Variants in CSMD2 observed in about 807,000 individuals in gnomAD.
CSMD2 encodes the protein CUB and Sushi multiple domains 2.
In CSMD2, 130 loss-of-function variants were observed where a neutral mutation model predicts 398.5. The ratio of observed to expected loss-of-function variants is 0.33; its 90% CI spans 0.28 to 0.38. The LOEUF (loss-of-function observed/expected upper bound fraction) is 0.38. Among genes scored for constraint, CSMD2 ranks in the 10% least tolerant of loss-of-function variants. CSMD2 has a pLI of 1.00. For missense variants in CSMD2, 3,829 were observed against 4,764.9 expected (o/e 0.80, Z 5.78); for synonymous variants, 1,828 against 1,908.5 (o/e 0.96, Z 1.10).
intron 2 of CSMD2, among the ~76,000 whole-genome samples, chr1:34,088,404 T>C (rs1176734553): frequency 4.6e-5 from 7 of 152,118 alleles, no homozygotes; most frequent in African/African-American, 1.7e-4. Flanking sequence ...CCCATCTCCC[T>C]CCTGTAAGCT....
At chr1:33,716,526 T>A (rs1646174225) in intron 19 of CSMD2, 25 bp from the exon 20 acceptor site, 1 of 1,575,866 alleles carries the variant, frequency 6.3e-7, no homozygotes, top group Non-Finnish European at 8.7e-7. Context: ...GAGGGTCAGG[T>A]TGTTGATGGC....
At chr1:34,078,878 C>G (rs1182856777) in intron 2 of CSMD2, among the ~76,000 whole-genome samples, 1 of 152,192 alleles carries the variant, frequency 6.6e-6, no homozygotes, top group Non-Finnish European at 1.5e-5. Context: ...GCGGAGTCAT[C>G]CTCCATTCCT....
intron 1 of CSMD2, among the ~76,000 whole-genome samples, chr1:34,105,089 G>A (rs756216075): frequency 6.6e-6 from 1 of 152,120 alleles, no homozygotes; most frequent in African/African-American, 2.4e-5. Flanking sequence ...TTAAGTGCTG[G>A]GTGACACAAT....
intron 1 of CSMD2, among the ~76,000 whole-genome samples, chr1:34,157,139 T>C (rs1410622683): frequency 1.3e-5 from 2 of 152,166 alleles, no homozygotes; most frequent in African/African-American, 2.4e-5. Flanking sequence ...TGAAGAATGA[T>C]CCCTTATGGC....
At chr1:33,550,138 A>AT in intron 56 of CSMD2, 39 bp downstream of exon 56, 6 of 1,594,126 alleles carry the variant, frequency 3.8e-6, no homozygotes, top group Non-Finnish European at 5.1e-6. Context: ...TCAGTCAAGC[A>AT]TTCCACTGGA....
chr1:33,627,621 A>G (rs573431709), intron 32 of CSMD2, among the ~76,000 whole-genome samples: 1 of 152,354 alleles, frequency 6.6e-6, no homozygotes, highest in Admixed American at 6.5e-5. Flanking sequence ...GATGCCACCA[A>G]TATGGGAGCA....
In CSMD2 at chr1:33,846,990, G is replaced by A. The variant is rs752412612; in HGVS notation, c.927C>T (p.Thr309=). The A allele has an allele frequency of 7.5e-6, 12 of 1,607,732 alleles. No individual in the cohort carries two copies. Among genetic ancestry groups the A allele is most frequent in the Admixed American group, 3.4e-5 (2 of 59,424 alleles). The change falls in exon 6 of 71, where the codon ACC becomes ACT. Residue 309 remains threonine (T), a synonymous_variant. Transcript: ENST00000373381. ...TGTEGSSLWF[T]GASLPAPVIS... is the part of the protein sequence containing the mutation. Reference sequence around the variant, plus strand: ...TAACGGGGGCTGGGAGGCTGGCTCCGGTGAACCTGTGGGAACAGGAAGCAG... The same window carrying A: ...TAACGGGGGCTGGGAGGCTGGCTCCAGTGAACCTGTGGGAACAGGAAGCAG...
intron 5 of CSMD2, among the ~76,000 whole-genome samples, chr1:33,858,074 A>T (rs1028669256): frequency 6.6e-6 from 1 of 152,088 alleles, no homozygotes; most frequent in Non-Finnish European, 1.5e-5. Context: ...CCACCTGCCC[A>T]CTAGTCCATT....
intron 25 of CSMD2, among the ~76,000 whole-genome samples, chr1:33,688,819 C>T (rs1469419122): frequency 6.6e-6 from 1 of 151,634 alleles, no homozygotes; most frequent in Non-Finnish European, 1.5e-5. Flanking sequence ...GTCCAACCCT[C>T]CTCCAAAAAA....
At chr1:33,825,874 A>G in intron 6 of CSMD2, 100 bp from the exon 7 acceptor site, 1 of 957,512 alleles carries the variant, frequency 1.0e-6, no homozygotes, top group East Asian at 2.6e-5. Context: ...GGAACATTCC[A>G]TGGTGGGTCA....
rs1417477619 is a variant in CSMD2, at chr1:34,023,386, C to T, written c.517+9208G>A. Among the ~76,000 whole-genome samples, 3 of 152,296 alleles carry T rather than the reference C, an allele frequency of 2.0e-5. No homozygotes were observed. In the East Asian group the frequency reaches 5.8e-4, roughly 29 times the overall value. On this transcript the variant is annotated intron_variant, in intron 3 of 70. Transcript: ENST00000373381. ...CCAGCCTATACGCTATCCACTGAGC[C>T]ATATGCTCACAGGACAGGGTCTTCT... is the stretch of plus-strand genomic sequence containing the variant.
chr1:33,931,724 G>C (rs1456385876), intron 4 of CSMD2, among the ~76,000 whole-genome samples: 1 of 152,196 alleles, frequency 6.6e-6, no homozygotes, highest in African/African-American at 2.4e-5. Context: ...TGGAAAGATT[G>C]GGGTGGGGCT....
chr1:33,849,156 T>C (rs1452538712), intron 5 of CSMD2, among the ~76,000 whole-genome samples: 1 of 152,194 alleles, frequency 6.6e-6, no homozygotes, highest in East Asian at 1.9e-4. Context: ...GGCCCTGTGT[T>C]GCCCATGCAG....
rs200261592 is a variant in CSMD2, at chr1:33,580,780, G to A, written c.7360C>T (p.Arg2454Trp). ...LRWSSDHAYNRKGFKIRYSAP... is the reference protein window; with the variant it reads ...LRWSSDHAYNWKGFKIRYSAP... The stretch of plus-strand genomic sequence containing the variant: ...GAATAGCGGATCTTGAAGCCCTTCC[G>A]ATTGTAGGCGTGATCAGATGACCAA... The change falls in exon 48 of 71, where the codon CGG (arginine) becomes TGG (tryptophan). Residue 2454 changes from arginine to tryptophan, a missense_variant. Transcript: ENST00000373381. 11 of 1,614,130 alleles carry A rather than the reference G, an allele frequency of 6.8e-6. No individual in the cohort carries two copies. The highest frequency in any genetic ancestry group is 6.6e-5 in the South Asian group (6 of 91,078).
chr1:33,863,883 A>T (rs1639740829), intron 5 of CSMD2: 1 of 283,174 alleles, frequency 3.5e-6, no homozygotes, highest in Admixed American at 4.9e-5. Context: ...CTCATAGCCT[A>T]CTATGAATGA....
intron 1 of CSMD2, among the ~76,000 whole-genome samples, chr1:34,092,361 G>A (rs1392140180): frequency 6.6e-6 from 1 of 152,190 alleles, no homozygotes. Flanking sequence ...TTGGTAAAAT[G>A]ATACCTAAGT....
At position 33,608,513 on chromosome 1, in the gene CSMD2, T is replaced by A. The variant is rs190729206; in HGVS notation, c.6343+2528A>T. Among the ~76,000 whole-genome samples the A allele has an allele frequency of 9.2e-5, 14 of 152,312 alleles. No homozygotes were observed. In the East Asian group the frequency reaches 2.3e-3, roughly 25 times the overall value. On this transcript the variant is annotated intron_variant, in intron 41 of 70. Transcript: ENST00000373381. ...AAAATTCATATGCTGAAGACTTCAC[T>A]CCTTGTGAATATGACCTTATGGGAA... is the stretch of plus-strand genomic sequence containing the variant.
intron 1 of CSMD2, among the ~76,000 whole-genome samples, chr1:34,153,307 G>A (rs545207488): frequency 1.3e-5 from 2 of 152,326 alleles, no homozygotes; most frequent in African/African-American, 2.4e-5. Flanking sequence ...GTGAGCCAGC[G>A]CACCTGGCCT....
intron 3 of CSMD2, among the ~76,000 whole-genome samples, chr1:33,978,327 G>A (rs759422403): frequency 1.5e-4 from 23 of 152,266 alleles, no homozygotes; most frequent in South Asian, 4.2e-4. Context: ...CATACAAGTC[G>A]TTATTTCATT....
Sources: allele counts gnomAD v4.1 joint callset (sites outside exome capture counted in the v4.1 genomes callset), GRCh38; gene constraint gnomAD v4.1.1; transcripts MANE v1.5; gene names NCBI Gene and HGNC (gene_info 2026-07-23, HGNC 2026-07-21).